The following CHD9 variants were observed in gnomAD, a reference collection of about 807,000 sequenced individuals.
CHD9 encodes the protein ATP-dependent chromatin remodeler CHD9.
Under a neutral mutation model 316.1 loss-of-function variants are expected in CHD9, and 77 were observed. The observed-to-expected ratio is 0.24, with a 90% confidence interval of 0.20 to 0.29. CHD9 has a LOEUF of 0.29. CHD9 is among the 10% of genes least tolerant of loss of function. The probability of loss-of-function intolerance (pLI) is 1.00; values close to 1 mark genes in which losing one functional copy is unlikely to be tolerated. For synonymous variants in CHD9, 1,129 were observed against 1,158.3 expected (o/e 0.97, Z 0.51); for missense variants, 2,763 against 3,438.1 (o/e 0.80, Z 4.91).
chr16:53,178,465 C>T (rs2043245111), intron 2 of CHD9, among the ~76,000 whole-genome samples: 1 of 124,622 alleles, frequency 8.0e-6, no homozygotes, highest in African/African-American at 3.0e-5. Flanking sequence ...CAAGGTCTTG[C>T]TCTGTCACCC....
Position 53,156,101 on chromosome 16 carries a change from A to T in CHD9, c.12A>T (p.Pro4=). 6.2e-7 allele frequency: 1 copy of T among 1,612,282 alleles called. No individual in the cohort carries two copies. The highest frequency in any genetic ancestry group is 8.5e-7 in the Non-Finnish European group (1 of 1,178,944). MTD[P]MMDFFDDANL... ...ACAGAATTTTCAAGATGACAGATCC[A>T]ATGATGGACTTTTTTGATGATGCCA... Residue 4 remains proline (P), a synonymous_variant, in exon 2 of 39, where the codon CCA becomes CCT. Transcript: ENST00000447540.
intron 2 of CHD9, among the ~76,000 whole-genome samples, chr16:53,158,479 A>T (rs992823000): frequency 6.6e-6 from 1 of 152,208 alleles, no homozygotes; most frequent in African/African-American, 2.4e-5. Flanking sequence ...GGGTCCTGTT[A>T]CTTAGTAGTT....
At chr16:53,228,063 C>A (rs900063334) in intron 7 of CHD9, among the ~76,000 whole-genome samples, 12 of 150,492 alleles carry the variant, frequency 8.0e-5, no homozygotes, top group Non-Finnish European at 1.2e-4. Flanking sequence ...TCCAGCCTGG[C>A]GACAGAGCGA....
chr16:53,174,474 C>G (rs1450099787), intron 2 of CHD9, among the ~76,000 whole-genome samples: 1 of 152,036 alleles, frequency 6.6e-6, no homozygotes, highest in East Asian at 1.9e-4. Context: ...GTTTCTATGG[C>G]TTCTATTAGT....
At position 53,267,439 on chromosome 16, in the gene CHD9, G is replaced by T. The variant is rs2051807879; in HGVS notation, c.4466G>T (p.Gly1489Val). 1 of 1,611,222 alleles carries T rather than the reference G, an allele frequency of 6.2e-7. No homozygotes were observed. The stretch of plus-strand genomic sequence containing the variant: ...CGGAGACCCTGTGACCGTTCCAATG[G>T]CTATGGAAGAACTGAATGCTTTAGA... ...KLRRPCDRSN[G>V]YGRTECFRVE... The change falls in exon 21 of 39, where the codon GGC (glycine) becomes GTC (valine). Residue 1489 changes from glycine to valine, a missense_variant. This residue lies in a region of CHD9 where 199 missense variants were observed against 251.7 expected (regional missense o/e 0.79). Transcript: ENST00000447540.
At chr16:53,079,892 C>A (rs1487047435) in intron 1 of CHD9, among the ~76,000 whole-genome samples, 1 of 152,202 alleles carries the variant, frequency 6.6e-6, no homozygotes, top group African/African-American at 2.4e-5. Context: ...TGACTTGTGT[C>A]TTTATAGTAA....
At chr16:53,201,505 C>A (rs544765368) in intron 2 of CHD9, among the ~76,000 whole-genome samples, 2 of 152,244 alleles carry the variant, frequency 1.3e-5, no homozygotes, top group East Asian at 1.9e-4. Flanking sequence ...CCTATAACAC[C>A]GTTGATAATC....
chr16:53,131,184 G>C (rs939778131), intron 1 of CHD9: 1 of 150,836 alleles, frequency 6.6e-6, no homozygotes, highest in South Asian at 1.9e-4. Flanking sequence ...CGTGTCAGAC[G>C]GGTGGTCGCC....
chr16:53,170,087 A>G (rs1415928162), intron 2 of CHD9, among the ~76,000 whole-genome samples: 3 of 147,118 alleles, frequency 2.0e-5, no homozygotes, highest in Non-Finnish European at 4.5e-5. Context: ...AGAATGCTGT[A>G]TATATGATAG....
chr16:53,285,962 T>G (rs2053836777), intron 25 of CHD9, among the ~76,000 whole-genome samples: 1 of 152,210 alleles, frequency 6.6e-6, no homozygotes. Flanking sequence ...GATATGTTTG[T>G]GTGTTTGTGT....
At chr16:53,055,624 C>T (rs1187124788) in intron 1 of CHD9, among the ~76,000 whole-genome samples, 1 of 151,886 alleles carries the variant, frequency 6.6e-6, no homozygotes, top group African/African-American at 2.4e-5. Context: ...TGGAGAAAAA[C>T]GGAGGACATT....
chr16:53,218,438 GTAGT>G (rs2046958272), intron 3 of CHD9, among the ~76,000 whole-genome samples: 2 of 152,184 alleles, frequency 1.3e-5, no homozygotes, highest in South Asian at 4.1e-4. Flanking sequence ...GATTTATTTG[GTAGT>G]TAGTATTTAT....
At chr16:53,298,486 A>G (rs1347303453) in intron 30 of CHD9, 1 of 152,602 alleles carries the variant, frequency 6.6e-6, no homozygotes, top group Non-Finnish European at 1.5e-5. Flanking sequence ...CATCTCTACA[A>G]AAATAAAAAA....
At chr16:53,104,775 G>A (rs992414822) in intron 1 of CHD9, among the ~76,000 whole-genome samples, 31 of 147,776 alleles carry the variant, frequency 2.1e-4, no homozygotes, top group Admixed American at 9.5e-4. Context: ...TCGTGCCACT[G>A]CACTCCAGCC....
At chr16:53,063,104 A>G (rs2033098732) in intron 1 of CHD9, among the ~76,000 whole-genome samples, 2 of 152,164 alleles carry the variant, frequency 1.3e-5, no homozygotes, top group South Asian at 4.1e-4. Flanking sequence ...GTACTTACTA[A>G]GTGCTGGATG....
chr16:53,234,999 AC>A, intron 10 of CHD9, 185 bp from the exon 11 acceptor site: 1 of 430,532 alleles, frequency 2.3e-6, no homozygotes, highest in South Asian at 5.9e-5. Context: ...CAGGAAATAT[AC>A]CTTCCTCTTC....
At position 53,268,077 on chromosome 16, in the gene CHD9, C is replaced by T. The variant is rs2051868467; in HGVS notation, c.4668C>T (p.Leu1556=). The change falls in exon 22 of 39, where the codon CTC becomes CTT. Residue 1556 remains leucine (L), a synonymous_variant. Transcript: ENST00000447540. The part of the protein sequence containing the change: ...DEKIKGFIWD[L]ITPTEDGQTR... ...AGATTAAAGGTTTCATATGGGATCT[C>T]ATTACTCCAACTGAAGATGGACAGA... 8.1e-6 allele frequency: 13 copies of T among 1,612,702 alleles called. No individual in the cohort carries two copies. The highest frequency in any genetic ancestry group is 1.0e-5 in the Non-Finnish European group (12 of 1,179,260).
chr16:53,131,702 C>T (rs940020882), intron 1 of CHD9, among the ~76,000 whole-genome samples: 2 of 152,090 alleles, frequency 1.3e-5, no homozygotes, highest in Admixed American at 6.5e-5. Flanking sequence ...TTCCCTCCAT[C>T]CTGCAGCCTC....
At chr16:53,310,801 A>C (rs2153094161) in intron 34 of CHD9, 1 of 151,186 alleles carries the variant, frequency 6.6e-6, no homozygotes, top group South Asian at 2.1e-4. Context: ...CAGTGAGCCG[A>C]GGTCGGGCCA....
Sources: gnomAD v4.1 joint callset for allele counts (sites outside exome capture counted in the v4.1 genomes callset) on GRCh38, gnomAD v4.1.1 for gene constraint, gnomAD v4.1.1 regional missense constraint, MANE v1.5 for transcripts, NCBI Gene and HGNC (gene_info 2026-07-23, HGNC 2026-07-21) for gene names.